The following JAKMIP2 variants were observed in gnomAD, a reference collection of about 807,000 sequenced individuals.
The protein encoded by JAKMIP2 is janus kinase and microtubule interacting protein 2, also known as janus kinase and microtubule-interacting protein 2.
In JAKMIP2, 25 loss-of-function variants were observed where a neutral mutation model predicts 115.0. The observed-to-expected ratio is 0.22, with a 90% confidence interval of 0.16 to 0.30. The LOEUF is 0.30. Among genes scored for constraint, JAKMIP2 ranks in the 10% least tolerant of loss-of-function variants. JAKMIP2 has a pLI of 1.00. For missense variants in JAKMIP2, 642 were observed against 957.6 expected, an observed-to-expected ratio of 0.67 and a Z score of 4.35; for synonymous variants, 334 against 343.6, an observed-to-expected ratio of 0.97 and a Z score of 0.31.
At chr5:147,696,447 T>G (rs760557604) in intron 1 of JAKMIP2, among the ~76,000 whole-genome samples, 2 of 152,222 alleles carry the variant, frequency 1.3e-5, no homozygotes, top group Non-Finnish European at 2.9e-5. Flanking sequence ...CTTCTCCTTC[T>G]GCCATAATTT....
chr5:147,653,404 T>C (rs1168672817), intron 3 of JAKMIP2, among the ~76,000 whole-genome samples: 3 of 152,190 alleles, frequency 2.0e-5, no homozygotes, highest in Non-Finnish European at 4.4e-5. Context: ...ATTGCCATTC[T>C]GACTAGTGTG....
chr5:147,768,799 T>C (rs1755243528), intron 1 of JAKMIP2, among the ~76,000 whole-genome samples: 1 of 152,154 alleles, frequency 6.6e-6, no homozygotes, highest in Non-Finnish European at 1.5e-5. Flanking sequence ...GTTAAAGTAT[T>C]AAAATTTTGT....
chr5:147,690,572 T>C (rs989494524), intron 1 of JAKMIP2, among the ~76,000 whole-genome samples: 3 of 110,446 alleles, frequency 2.7e-5, no homozygotes, highest in African/African-American at 1.2e-4. Context: ...TATATATATA[T>C]ATATATATAT....
chr5:147,656,949 C>G (rs957244240), intron 3 of JAKMIP2, among the ~76,000 whole-genome samples: 4 of 152,102 alleles, frequency 2.6e-5, no homozygotes, highest in African/African-American at 9.7e-5. Flanking sequence ...CTTAGTTTGG[C>G]TGGATATGAA....
intron 10 of JAKMIP2, among the ~76,000 whole-genome samples, chr5:147,637,481 C>T (rs1757679969): frequency 7.4e-6 from 1 of 135,730 alleles, no homozygotes; most frequent in South Asian, 2.5e-4. Context: ...ACTCTGTTGC[C>T]CAGGCTGGAA....
At chr5:147,683,022 T>A (rs1760376025) in intron 1 of JAKMIP2, among the ~76,000 whole-genome samples, 2 of 152,204 alleles carry the variant, frequency 1.3e-5, no homozygotes, top group Non-Finnish European at 2.9e-5. Context: ...TTCTCTGGAT[T>A]CAAAGTGTTT....
At chr5:147,601,147 C>G (rs777908517) in intron 21 of JAKMIP2, among the ~76,000 whole-genome samples, 1 of 152,264 alleles carries the variant, frequency 6.6e-6, no homozygotes, top group South Asian at 2.1e-4. Flanking sequence ...ATTGTGACTT[C>G]CCAAAGTAAT....
At chr5:147,697,166 C>T (rs1466050897) in intron 1 of JAKMIP2, among the ~76,000 whole-genome samples, 1 of 152,148 alleles carries the variant, frequency 6.6e-6, no homozygotes, top group Non-Finnish European at 1.5e-5. Context: ...ATTGGACTTA[C>T]AGTTTCACAT....
At chr5:147,621,236 T>C (rs1756833056) in intron 17 of JAKMIP2, among the ~76,000 whole-genome samples, 1 of 152,204 alleles carries the variant, frequency 6.6e-6, no homozygotes, top group South Asian at 2.1e-4. Flanking sequence ...TGAGTGGGTG[T>C]CTGCTTTTGC....
At chr5:147,762,490 T>C (rs112382984) in intron 1 of JAKMIP2, among the ~76,000 whole-genome samples, 3,112 of 152,138 alleles carry the variant, frequency 0.02, 112 homozygotes, top group African/African-American at 0.07. Flanking sequence ...AAGGTTTAGA[T>C]TCCCCTGATG....
At chr5:147,762,914 T>C (rs1754980925) in intron 1 of JAKMIP2, among the ~76,000 whole-genome samples, 1 of 152,122 alleles carries the variant, frequency 6.6e-6, no homozygotes, top group Non-Finnish European at 1.5e-5. Context: ...AATTGACAAG[T>C]TCATATCAAA....
At chr5:147,764,624 G>A (rs72835174) in intron 1 of JAKMIP2, among the ~76,000 whole-genome samples, 2 of 151,770 alleles carry the variant, frequency 1.3e-5, no homozygotes, top group African/African-American at 2.4e-5. Flanking sequence ...AGTGGCTCAC[G>A]ACCCTGTAAT....
chr5:147,589,950 C>G lies in JAKMIP2; in HGVS notation c.*1757G>C, dbSNP rs552009849. ...TGTGCTACTTTAAGCACCTCTTGTTCTAAAATTGCAAATAAAACTTTATGA... is the reference window on the plus strand; with the variant it reads ...TGTGCTACTTTAAGCACCTCTTGTTGTAAAATTGCAAATAAAACTTTATGA... On this transcript the variant is annotated 3_prime_UTR_variant, in exon 22 of 22. Coordinates refer to ENST00000616793, the MANE Select transcript of JAKMIP2 (RefSeq NM_001270941.2). The G allele has an allele frequency of 1.3e-5, 2 of 152,172 alleles. No homozygotes were observed. Among genetic ancestry groups the G allele is most frequent in the Non-Finnish European group, 2.9e-5 (2 of 68,026 alleles). 9.4% of individuals were successfully genotyped at this position (152,172 alleles called of 1,614,324 possible).
At chr5:147,652,783 C>T (rs994523132) in intron 3 of JAKMIP2, among the ~76,000 whole-genome samples, 1 of 152,102 alleles carries the variant, frequency 6.6e-6, no homozygotes, top group Non-Finnish European at 1.5e-5. Context: ...TCGTGGCTTG[C>T]TGTACCTATC....
At position 147,591,454 on chromosome 5, in the gene JAKMIP2, G is replaced by T; in HGVS notation, c.*253C>A. The stretch of plus-strand genomic sequence containing the variant: ...GTTTATAGTTCTTCTCTTCTGATTT[G>T]ACATATACATGTTTCATTAAATGCA... On this transcript the variant is annotated 3_prime_UTR_variant, in exon 22 of 22. Coordinates refer to ENST00000616793, the MANE Select transcript of JAKMIP2 (RefSeq NM_001270941.2). 5.4e-6 allele frequency: 3 copies of T among 551,090 alleles called. No homozygotes were observed. The highest frequency in any genetic ancestry group is 4.0e-5 in the Admixed American group (1 of 25,214). The allele number at this position is 551,090 out of a possible 1,614,324, so 34.1% of individuals were successfully genotyped here.
At chr5:147,730,867 T>C (rs1463678832) in intron 1 of JAKMIP2, among the ~76,000 whole-genome samples, 2 of 152,200 alleles carry the variant, frequency 1.3e-5, no homozygotes, top group Admixed American at 6.5e-5. Flanking sequence ...CTCTGCTTCT[T>C]GGCTATACAT....
intron 1 of JAKMIP2, among the ~76,000 whole-genome samples, chr5:147,726,660 C>T (rs1295281865): frequency 6.6e-6 from 1 of 152,162 alleles, no homozygotes; most frequent in African/African-American, 2.4e-5. Context: ...GGGCTTAGGA[C>T]CCCATAAGCC....
At chr5:147,646,432 T>A (rs1758131981) in intron 5 of JAKMIP2, among the ~76,000 whole-genome samples, 1 of 152,094 alleles carries the variant, frequency 6.6e-6, no homozygotes, top group South Asian at 2.1e-4. Context: ...GATGTGAGTT[T>A]TAAATATTTA....
At chr5:147,683,342 A>C (rs772545314) in intron 1 of JAKMIP2, among the ~76,000 whole-genome samples, 3 of 152,170 alleles carry the variant, frequency 2.0e-5, no homozygotes, top group Non-Finnish European at 4.4e-5. Context: ...AAATACAAAA[A>C]TTAGCGGGGC....
Sources: gnomAD v4.1 joint callset for allele counts (sites outside exome capture counted in the v4.1 genomes callset) on GRCh38, gnomAD v4.1.1 for gene constraint, MANE v1.5 for transcripts, NCBI Gene and HGNC (gene_info 2026-07-23, HGNC 2026-07-21) for gene names.